The following FNTB variants were observed in gnomAD, a reference collection of about 807,000 sequenced individuals.
FNTB encodes farnesyltransferase, CAAX box, subunit beta, also known as protein farnesyltransferase subunit beta.
Under a neutral mutation model 59.4 loss-of-function variants are expected in FNTB, and 27 were observed. That is an observed-to-expected ratio of 0.45 (90% CI 0.34 to 0.63). FNTB has a LOEUF of 0.63. FNTB is among the 20% of genes least tolerant of loss of function. The pLI is 0.02. For missense variants in FNTB, 449 were observed against 559.6 expected, an observed-to-expected ratio of 0.80 and a Z score of 1.99; for synonymous variants, 230 against 220.7, an observed-to-expected ratio of 1.04 and a Z score of -0.37.
chr14:64,993,767 T>A (rs1019258125), intron 1 of FNTB, among the ~76,000 whole-genome samples: 5 of 152,196 alleles, frequency 3.3e-5, no homozygotes, highest in Non-Finnish European at 2.9e-5. Flanking sequence ...AAAGAGAAAG[T>A]GCCAAATGCA....
At chr14:65,037,655 G>C (rs1331532915) in intron 7 of FNTB, among the ~76,000 whole-genome samples, 1 of 149,460 alleles carries the variant, frequency 6.7e-6, no homozygotes, top group African/African-American at 2.4e-5. Context: ...AAACTCCTGG[G>C]CTGACGTAAT....
At chr14:64,992,860 A>G (rs1300349282) in intron 1 of FNTB, among the ~76,000 whole-genome samples, 2 of 152,024 alleles carry the variant, frequency 1.3e-5, no homozygotes, top group African/African-American at 4.8e-5. Flanking sequence ...TTTTTTAAAG[A>G]CAGGGTCTCA....
chr14:65,053,187 G>A, intron 9 of FNTB, 51 bp from the exon 10 acceptor site: 1 of 1,294,130 alleles, frequency 7.7e-7, no homozygotes, highest in Non-Finnish European at 1.0e-6. Flanking sequence ...TTAGGTCATT[G>A]ATACTTGGCT....
intron 1 of FNTB, among the ~76,000 whole-genome samples, chr14:64,998,093 G>C (rs1429797725): frequency 6.6e-6 from 1 of 152,146 alleles, no homozygotes; most frequent in Non-Finnish European, 1.5e-5. Flanking sequence ...TAAAAGGTTT[G>C]TTATCTTTGT....
rs1214926498 is a variant in FNTB, at chr14:64,991,390, T to C, written c.144+4293T>C. Among the ~76,000 whole-genome samples, 2 of 151,976 alleles carry C rather than the reference T, an allele frequency of 1.3e-5. No individual in the cohort carries two copies. The highest frequency in any genetic ancestry group is 2.9e-5 in the Non-Finnish European group (2 of 67,988). On this transcript the variant is annotated intron_variant, in intron 1 of 11. Coordinates refer to ENST00000246166, the MANE Select transcript of FNTB (RefSeq NM_002028.4). The surrounding 1 kb of genome is among the most constrained non-coding windows in gnomAD (Gnocchi z 4.4). ...GCTGAGGCTGGCGGATCACTGGAGG[T>C]CAGGAGTTTGAGACCAGCCTAGCCA... is the stretch of plus-strand genomic sequence containing the variant.
At chr14:64,999,754 A>G (rs1703589893) in intron 1 of FNTB, among the ~76,000 whole-genome samples, 1 of 152,244 alleles carries the variant, frequency 6.6e-6, no homozygotes, top group South Asian at 2.1e-4. Context: ...ATTCATTGTT[A>G]TGAACAGCTG....
chr14:65,034,432 CACTT>C (rs1397318421), intron 7 of FNTB, among the ~76,000 whole-genome samples: 1 of 152,230 alleles, frequency 6.6e-6, no homozygotes, highest in Non-Finnish European at 1.5e-5. Context: ...TCTAATCTCA[CACTT>C]AATTATTTGG....
intron 1 of FNTB, among the ~76,000 whole-genome samples, chr14:65,002,998 C>T (rs750118308): frequency 1.3e-5 from 2 of 152,152 alleles, no homozygotes; most frequent in African/African-American, 2.4e-5. Context: ...AATGGTCAGA[C>T]GTTTAGCAAC....
intron 1 of FNTB, among the ~76,000 whole-genome samples, chr14:64,999,075 A>C (rs1888507292): frequency 6.6e-6 from 1 of 152,284 alleles, no homozygotes; most frequent in South Asian, 2.1e-4. Flanking sequence ...GAAGCCAGCC[A>C]CAAAAGACCA....
Position 65,032,555 on chromosome 14 carries a change from A to G in FNTB, c.606-55A>G. ...AGCAGTCCGCCCGCGGAGTTCACTG[A>G]GCCTCATTAGCTCTTCCGTAGAGCT... On this transcript the variant is annotated intron_variant, in intron 6 of 11. Transcript: ENST00000246166. This position sits in a 1 kb window ranked among gnomAD's most constrained non-coding sequence, Gnocchi z 5.0. The G allele has an allele frequency of 6.3e-7, 1 of 1,598,412 alleles. No individual in the cohort carries two copies. The highest frequency in any genetic ancestry group is 8.5e-7 in the Non-Finnish European group (1 of 1,173,520).
intron 9 of FNTB, among the ~76,000 whole-genome samples, chr14:65,048,655 C>T (rs2062540372): frequency 6.6e-6 from 1 of 152,134 alleles, no homozygotes; most frequent in South Asian, 2.1e-4. Context: ...GAGTTCAAGA[C>T]CAGCCTGGGC....
chr14:65,061,074 G>C lies in FNTB; in HGVS notation c.1183-107G>C, dbSNP rs1349730493. The C allele has an allele frequency of 9.8e-6, 15 of 1,526,334 alleles. No homozygotes were observed. The South Asian group carries it at 1.4e-4, about 14-fold the overall frequency. The allele number at this position is 1,526,334 out of a possible 1,614,324, so 94.5% of individuals were successfully genotyped here. A position where few individuals can be genotyped will look rare whatever the true frequency, so the allele number is the denominator to read the frequency against. On this transcript the variant is annotated intron_variant, in intron 11 of 11. Coordinates refer to ENST00000246166, the MANE Select transcript of FNTB (RefSeq NM_002028.4). ...ACCTTTGGGCTTTGTGTGTATCTCT[G>C]ATTCCTTATACTAAATTCTTAGAAG...
intron 9 of FNTB, among the ~76,000 whole-genome samples, chr14:65,049,081 C>T (rs868434687): frequency 9.3e-5 from 14 of 150,698 alleles, no homozygotes; most frequent in Admixed American, 2.0e-4. Flanking sequence ...GAGCTGAGAT[C>T]GCGCCGTTGC....
intron 9 of FNTB, among the ~76,000 whole-genome samples, chr14:65,045,706 G>A (rs576683856): frequency 2.0e-5 from 3 of 152,128 alleles, no homozygotes; most frequent in East Asian, 3.9e-4. Context: ...GTGAGCCACC[G>A]CACCCGGCCC....
At chr14:65,057,308 A>C (rs1207798793) in intron 11 of FNTB, among the ~76,000 whole-genome samples, 1 of 152,198 alleles carries the variant, frequency 6.6e-6, no homozygotes, top group Non-Finnish European at 1.5e-5. Context: ...TCGCACCTGT[A>C]AACCTAGCAC....
intron 10 of FNTB, among the ~76,000 whole-genome samples, 198 bp downstream of exon 10, chr14:65,053,547 G>A (rs1437549061): frequency 2.0e-5 from 3 of 151,376 alleles, no homozygotes; most frequent in Admixed American, 6.6e-5. Flanking sequence ...CCAGCTGCCC[G>A]TCTTGTCCCC....
At position 65,040,886 on chromosome 14, in the gene FNTB, G is replaced by C. The variant is rs764889902; in HGVS notation, c.789G>C (p.Lys263Asn). The C allele has an allele frequency of 6.2e-7, 1 of 1,614,044 alleles. No individual in the cohort carries two copies. The highest frequency in any genetic ancestry group is 1.1e-5 in the South Asian group (1 of 91,080). The change falls in exon 8 of 12, where the codon AAG becomes AAC. Residue 263 changes from lysine (K) to asparagine (N), a missense_variant. Lys to Asn is a moderately conservative substitution (Grantham distance 94). Coordinates refer to ENST00000246166, the MANE Select transcript of FNTB (RefSeq NM_002028.4). ...GCCTGGCCGCGCTGGTAATCCTCAA[G>C]AGGGAACGTTCCTTGAACTTGAAGA... ...FCGLAALVIL[K>N]RERSLNLKSL...
chr14:65,021,498 G>T (rs1259736189), intron 4 of FNTB, among the ~76,000 whole-genome samples: 2 of 152,070 alleles, frequency 1.3e-5, no homozygotes, highest in East Asian at 3.9e-4. Flanking sequence ...CTAGGCCTTT[G>T]TCTCCTGGGC....
At chr14:65,016,612 T>A (rs2061778320) in intron 4 of FNTB, 1 of 152,290 alleles carries the variant, frequency 6.6e-6, no homozygotes, top group Non-Finnish European at 1.5e-5. Context: ...ACAGAGCCCC[T>A]GCCTCAGTCA....
Sources: gnomAD v4.1 joint callset for allele counts (sites outside exome capture counted in the v4.1 genomes callset) on GRCh38, gnomAD v4.1.1 for gene constraint, Gnocchi (gnomAD v3.1) non-coding constraint, MANE v1.5 for transcripts, NCBI Gene and HGNC (gene_info 2026-07-23, HGNC 2026-07-21) for gene names.